PCLO: variants seen among roughly 807,000 people sequenced by gnomAD.
The protein encoded by PCLO is protein piccolo.
Under a neutral mutation model 427.5 loss-of-function variants are expected in PCLO, and 82 were observed. The ratio of observed to expected loss-of-function variants is 0.19; its 90% CI spans 0.16 to 0.23. PCLO has a LOEUF of 0.23. Ranked by LOEUF, PCLO falls within the 10% of genes least tolerant of loss-of-function variation. PCLO has a pLI of 1.00. For missense variants in PCLO, 6,239 were observed against 6,115.9 expected, an observed-to-expected ratio of 1.02 and a Z score of -0.67; for synonymous variants, 2,357 against 2,155.4, an observed-to-expected ratio of 1.09 and a Z score of -2.59.
At chr7:82,968,562 C>T (rs565978342) in intron 3 of PCLO, among the ~76,000 whole-genome samples, 2 of 139,794 alleles carry the variant, frequency 1.4e-5, no homozygotes, top group Admixed American at 1.5e-4. Flanking sequence ...ACTTTGTCAC[C>T]AGGCTGGAGT....
chr7:83,009,272 T>C (rs911997311), intron 3 of PCLO, among the ~76,000 whole-genome samples: 4 of 151,820 alleles, frequency 2.6e-5, no homozygotes, highest in East Asian at 1.9e-4. Flanking sequence ...AATGAACTCA[T>C]TGGCATAATG....
chr7:82,902,855 T>C, intron 8 of PCLO, 114 bp from the exon 9 acceptor site: 1 of 610,526 alleles, frequency 1.6e-6, no homozygotes, highest in Non-Finnish European at 2.9e-6. Context: ...TGGAACGTAG[T>C]AGGAGATTCT....
chr7:82,815,289 T>C (rs1791654705), intron 20 of PCLO, among the ~76,000 whole-genome samples: 10 of 151,980 alleles, frequency 6.6e-5, no homozygotes, highest in Admixed American at 4.6e-4. Flanking sequence ...GATTCTTCCA[T>C]AAAGAGGTTT....
chr7:82,948,424 T>C (rs2116410981), intron 6 of PCLO, among the ~76,000 whole-genome samples: 1 of 152,294 alleles, frequency 6.6e-6, no homozygotes. Context: ...CATGACATAT[T>C]TTTCAGCCCA....
chr7:82,981,360 T>C (rs1385988004), intron 3 of PCLO, among the ~76,000 whole-genome samples: 2 of 151,896 alleles, frequency 1.3e-5, no homozygotes, highest in African/African-American at 2.4e-5. Context: ...TCTTGAAGAA[T>C]AGATTCATTC....
intron 11 of PCLO, among the ~76,000 whole-genome samples, 194 bp from the exon 12 acceptor site, chr7:82,846,828 T>G (rs1792515412): frequency 6.6e-6 from 1 of 152,250 alleles, no homozygotes; most frequent in Admixed American, 6.5e-5. Context: ...CTGATAAAAA[T>G]GATTATTTAA....
intron 3 of PCLO, among the ~76,000 whole-genome samples, chr7:83,082,675 G>GAC (rs1790131884): frequency 6.6e-6 from 1 of 151,492 alleles, no homozygotes; most frequent in African/African-American, 2.4e-5. Flanking sequence ...AAATGATTAA[G>GAC]CCTTGAAGTG....
chr7:83,000,252 A>T (rs1787784223), intron 3 of PCLO, among the ~76,000 whole-genome samples: 1 of 133,982 alleles, frequency 7.5e-6, no homozygotes, highest in Non-Finnish European at 1.6e-5. Context: ...AGAGTAGAGT[A>T]AAATATTCAA....
At chr7:82,803,027 C>A (rs1181960897) in intron 21 of PCLO, among the ~76,000 whole-genome samples, 1 of 152,026 alleles carries the variant, frequency 6.6e-6, no homozygotes, top group Non-Finnish European at 1.5e-5. Flanking sequence ...TTCCATTTTA[C>A]CATATATATG....
Position 82,951,481 on chromosome 7 carries a change from A to C in PCLO, c.9107T>G (p.Met3036Arg). The change falls in exon 6 of 25, where the codon ATG becomes AGG. Residue 3036 changes from methionine (M) to arginine (R), a missense_variant. Met to Arg is a moderately conservative substitution (Grantham distance 91, BLOSUM62 -1). Around this residue, in one of 5 missense-constraint regions of PCLO, gnomAD observed 4,677 missense variants for 4,468.4 expected, o/e 1.05. Transcript: ENST00000333891. Reference protein sequence around the residue: ...TSGRVTTGEVMDYSSKTTGPY... With the variant: ...TSGRVTTGEVRDYSSKTTGPY... ...ACCTGTAGTCTTGCTTGAATAATCC[A>C]TTACCTCACCTGAAATACAGGGCAG... is the stretch of plus-strand genomic sequence containing the variant. The C allele has an allele frequency of 6.4e-7, 1 of 1,565,532 alleles. No individual in the cohort carries two copies. The highest frequency in any genetic ancestry group is 8.7e-7 in the Non-Finnish European group (1 of 1,152,844).
chr7:83,038,806 G>A (rs1788898077), intron 3 of PCLO, among the ~76,000 whole-genome samples: 1 of 151,946 alleles, frequency 6.6e-6, no homozygotes. Flanking sequence ...ACTGTCAGAT[G>A]GTTTTTCGAA....
rs777169433 is a variant in PCLO at position 82,952,052 on chromosome 7, A to G, written c.8901T>C (p.Phe2967=). The G allele has an allele frequency of 1.2e-6, 2 of 1,613,932 alleles. No homozygotes were observed. The highest frequency in any genetic ancestry group is 1.7e-5 in the Admixed American group (1 of 60,008). ...QPATTLPEDR[F]GYRDDHYQYD... ...ACTGATAGTGGTCATCCCTATAACC[A>G]AAACGATCCTCAGGAAGAGTAGTTG... Residue 2967 remains phenylalanine (F), a synonymous_variant, in exon 5 of 25, where the codon TTT becomes TTC. Coordinates refer to ENST00000333891, the MANE Select transcript of PCLO (RefSeq NM_033026.6).
rs192928002 is a variant in PCLO at position 82,916,751 on chromosome 7, T to C, written c.11235A>G (p.Thr3745=). The change falls in exon 7 of 25, where the codon ACA becomes ACG. Residue 3745 remains threonine, a synonymous_variant. Coordinates refer to ENST00000333891, the MANE Select transcript of PCLO (RefSeq NM_033026.6). The part of the protein sequence containing the change: ...GTQSTFSTMG[T]VSRRRICRTN... ...TTCTGCAGATCCTTCTCCTGGAAAC[T>C]GTGCCCATTGTGCTGAATGTGGATT... The C allele has an allele frequency of 1.2e-6, 2 of 1,613,610 alleles. No homozygotes were observed. The highest frequency in any genetic ancestry group is 8.5e-7 in the Non-Finnish European group (1 of 1,179,730).
At chr7:82,941,691 T>C (rs6467923) in intron 6 of PCLO, among the ~76,000 whole-genome samples, 7,291 of 152,284 alleles carry the variant, frequency 0.048, 579 homozygotes, top group African/African-American at 0.17. Flanking sequence ...AGGTATAATA[T>C]TAAATGTTAA....
intron 17 of PCLO, 91 bp downstream of exon 17, chr7:82,827,782 A>G: frequency 1.5e-6 from 1 of 677,614 alleles, no homozygotes; most frequent in Non-Finnish European, 2.4e-6. Context: ...TTGATTGGCA[A>G]AATGTATACA....
intron 3 of PCLO, among the ~76,000 whole-genome samples, chr7:83,000,292 AGAGAGAG>A (rs373916874): frequency 0.6 from 89,834 of 149,758 alleles, 28,183 homozygotes; most frequent in East Asian, 0.82. Flanking sequence ...AGAGAGAGAG[AGAGAGAG>A]AGAGAGAAAA....
rs1239305220 is a variant in PCLO, at chr7:82,953,148, G to A, written c.7805C>T (p.Thr2602Ile). ...GGAGGGTGATCCCAAGGGCCAACTG[G>A]TAATTGCTTGACTAGCAGAAGAATC... ...PTDSSASQAI[T>I]SWPLGSPSKD... is the part of the protein sequence containing the mutation. Residue 2602 changes from threonine (T) to isoleucine (I), a missense_variant, in exon 5 of 25, where the codon ACC becomes ATC. Around this residue, in one of 5 missense-constraint regions of PCLO, gnomAD observed 4,677 missense variants for 4,468.4 expected, o/e 1.05. Coordinates refer to ENST00000333891, the MANE Select transcript of PCLO (RefSeq NM_033026.6). 6.2e-7 allele frequency: 1 copy of A among 1,613,988 alleles called. No homozygotes were observed. Among genetic ancestry groups the A allele is most frequent in the Non-Finnish European group, 8.5e-7 (1 of 1,179,888 alleles).
At chr7:83,144,485 A>C (rs1030672658) in intron 2 of PCLO, among the ~76,000 whole-genome samples, 1 of 152,206 alleles carries the variant, frequency 6.6e-6, no homozygotes, top group Admixed American at 6.5e-5. Context: ...AAGAATGTTC[A>C]TAAGGAACTT....
At chr7:83,107,529 G>C (rs1458237366) in intron 3 of PCLO, among the ~76,000 whole-genome samples, 2 of 151,704 alleles carry the variant, frequency 1.3e-5, no homozygotes, top group Admixed American at 1.3e-4. Context: ...TTTTGAGTTG[G>C]TATTTTGAAT....
Sources: gnomAD v4.1 joint callset for allele counts (sites outside exome capture counted in the v4.1 genomes callset) on GRCh38, gnomAD v4.1.1 for gene constraint, gnomAD v4.1.1 regional missense constraint, MANE v1.5 for transcripts, NCBI Gene and HGNC (gene_info 2026-07-23, HGNC 2026-07-21) for gene names.